NRG1: variants seen among roughly 807,000 people sequenced by gnomAD.
NRG1 encodes pro-neuregulin-1, membrane-bound isoform.
NRG1 carries 18 observed loss-of-function variants against 63.8 expected under a neutral mutation model. That is an observed-to-expected ratio of 0.28 (90% CI 0.19 to 0.42). The LOEUF is 0.42. Ranked by LOEUF, NRG1 falls within the 10% of genes least tolerant of loss-of-function variation. NRG1 has a pLI of 1.00. For missense variants in NRG1, 762 were observed against 814.7 expected (o/e 0.94, Z 0.79); for synonymous variants, 302 against 301.3 (o/e 1.00, Z -0.02).
intron 1 of NRG1, among the ~76,000 whole-genome samples, chr8:32,151,520 G>A (rs1420684063): frequency 6.6e-6 from 1 of 152,146 alleles, no homozygotes; most frequent in Non-Finnish European, 1.5e-5. Context: ...GGCTATGAAG[G>A]TCAGGGCAGT....
intron 1 of NRG1, among the ~76,000 whole-genome samples, chr8:32,040,637 GTATA>G (rs1196859259): frequency 6.9e-6 from 1 of 144,306 alleles, no homozygotes; most frequent in East Asian, 2.0e-4. Context: ...ACGTATGTAT[GTATA>G]TATATGTATG....
intron 1 of NRG1, among the ~76,000 whole-genome samples, chr8:31,726,422 AC>A (rs1295835950): frequency 5.3e-5 from 8 of 152,136 alleles, no homozygotes; most frequent in African/African-American, 1.9e-4. Flanking sequence ...AGTAATAAAA[AC>A]TATCTAAGGC....
At chr8:31,756,793 G>T (rs1019425197) in intron 1 of NRG1, among the ~76,000 whole-genome samples, 3 of 152,178 alleles carry the variant, frequency 2.0e-5, no homozygotes, top group African/African-American at 7.2e-5. Flanking sequence ...TCTGAAGGAA[G>T]AAGGGTCACG....
chr8:31,684,950 T>G (rs1563290575), intron 1 of NRG1, among the ~76,000 whole-genome samples: 1 of 152,304 alleles, frequency 6.6e-6, no homozygotes, highest in East Asian at 1.9e-4. Context: ...TAGGAGAATA[T>G]CACAAGGTGC....
At chr8:32,771,807 G>A (rs1053321575), downstream of NRG1, among the ~76,000 whole-genome samples, 3 of 145,388 alleles carry the variant, frequency 2.1e-5, no homozygotes, top group African/African-American at 7.5e-5. Flanking sequence ...CAAATCACCT[G>A]AGGTCAGGAG....
exon 1 of NRG1, chr8:32,548,560 C>T: frequency 1.6e-6 from 2 of 1,263,518 alleles, no homozygotes; most frequent in South Asian, 3.0e-5. Flanking sequence ...GTCCGCGCCG[C>T]GCTCCCTGCA....
chr8:32,361,265 T>C (rs777246539), intron 1 of NRG1, among the ~76,000 whole-genome samples: 24 of 152,210 alleles, frequency 1.6e-4, no homozygotes, highest in Middle Eastern at 3.4e-3. Context: ...CAGAGTATTA[T>C]ATTAGAATGT....
chr8:32,291,260 G>A (rs1854163152), intron 1 of NRG1, among the ~76,000 whole-genome samples: 2 of 152,240 alleles, frequency 1.3e-5, no homozygotes, highest in South Asian at 4.1e-4. Context: ...CACCCTCACA[G>A]AAACACCAGA....
At chr8:32,567,047 TG>T (rs1837582010) in intron 1 of NRG1, among the ~76,000 whole-genome samples, 1 of 152,132 alleles carries the variant, frequency 6.6e-6, no homozygotes, top group Non-Finnish European at 1.5e-5. Flanking sequence ...TTCACCATAT[TG>T]GCCAGGCTGG....
chr8:32,127,169 G>A (rs944215200), intron 1 of NRG1, among the ~76,000 whole-genome samples: 1 of 151,892 alleles, frequency 6.6e-6, no homozygotes, highest in African/African-American at 2.4e-5. Flanking sequence ...TGAAAGCCTA[G>A]GATGTAGGAC....
chr8:31,846,603 G>A (rs1328926105), intron 1 of NRG1, among the ~76,000 whole-genome samples: 5 of 152,174 alleles, frequency 3.3e-5, no homozygotes. Flanking sequence ...CAGGATAATA[G>A]AAAAATCTTG....
intron 1 of NRG1, among the ~76,000 whole-genome samples, chr8:32,326,665 C>A (rs1174019118): frequency 1.3e-5 from 2 of 151,838 alleles, no homozygotes; most frequent in African/African-American, 4.8e-5. Flanking sequence ...CGAGGAAGTA[C>A]TTATACTGAT....
intron 1 of NRG1, among the ~76,000 whole-genome samples, chr8:32,084,586 A>C (rs540711850): frequency 6.6e-6 from 1 of 152,188 alleles, no homozygotes; most frequent in East Asian, 1.9e-4. Context: ...AAGAGATGCC[A>C]TGTGTTACTT....
intron 1 of NRG1, among the ~76,000 whole-genome samples, chr8:31,956,979 A>G (rs1018078614): frequency 6.6e-5 from 10 of 152,298 alleles, no homozygotes; most frequent in Admixed American, 3.9e-4. Flanking sequence ...GAATTGTCCA[A>G]ATAATATTAT....
At chr8:31,772,910 A>G (rs1009165420) in intron 1 of NRG1, among the ~76,000 whole-genome samples, 1 of 152,160 alleles carries the variant, frequency 6.6e-6, no homozygotes, top group Non-Finnish European at 1.5e-5. Context: ...TTTAATCTCT[A>G]TAAAATGTAA....
intron 1 of NRG1, among the ~76,000 whole-genome samples, chr8:32,371,030 G>T (rs1395340260): frequency 6.6e-6 from 1 of 151,998 alleles, no homozygotes; most frequent in East Asian, 1.9e-4. Flanking sequence ...TGGCCAACAT[G>T]GTGAAACCCT....
At chr8:32,039,419 TTAGTCTCTCAGATGCTA>T (rs1819577071) in intron 1 of NRG1, among the ~76,000 whole-genome samples, 1 of 152,190 alleles carries the variant, frequency 6.6e-6, no homozygotes, top group Non-Finnish European at 1.5e-5. Context: ...GTATGTTTGC[TTAGTCTCTCAGATGCTA>T]TAGCACACAA....
chr8:32,728,960 C>T (rs1442404693), intron 6 of NRG1, among the ~76,000 whole-genome samples: 7 of 152,014 alleles, frequency 4.6e-5, no homozygotes, highest in African/African-American at 1.5e-4. Flanking sequence ...CCCAGCTACT[C>T]GGGAGGCTGA....
At position 31,640,559 on chromosome 8, in the gene NRG1, C is replaced by T; in HGVS notation, c.37+1128C>T. 5 of 1,611,808 alleles carry T rather than the reference C, an allele frequency of 3.1e-6. No individual in the cohort carries two copies. Among genetic ancestry groups the T allele is most frequent in the Non-Finnish European group, 4.2e-6 (5 of 1,179,400 alleles). On this transcript the variant is annotated intron_variant, in intron 1 of 10. Transcript: ENST00000519301. The surrounding 1 kb of genome is among the most constrained non-coding windows in gnomAD (Gnocchi z 6.3). ...CGCCTGGGGACCTGGGGCCACCCCG[C>T]CTTCCCCTCCTGCGGGAGGCTCAAG... is the stretch of plus-strand genomic sequence containing the variant.
Sources: allele counts gnomAD v4.1 joint callset (sites outside exome capture counted in the v4.1 genomes callset), GRCh38; gene constraint gnomAD v4.1.1; non-coding constraint Gnocchi (gnomAD v3.1); transcripts MANE v1.5; gene names NCBI Gene and HGNC (gene_info 2026-07-23, HGNC 2026-07-21).